Variants in RAB19 observed in about 807,000 individuals in gnomAD.
The protein encoded by RAB19 is ras-related protein Rab-19.
RAB19 carries 21 observed loss-of-function variants against 17.3 expected under a neutral mutation model. That is an observed-to-expected ratio of 1.21 (90% CI 0.86 to 1.74). The LOEUF is 1.74. Among genes scored for constraint, RAB19 ranks in the 40% most tolerant of loss-of-function variants. The pLI is 0.00. For missense variants in RAB19, 277 were observed against 286.8 expected, an observed-to-expected ratio of 0.97 and a Z score of 0.25; for synonymous variants, 126 against 110.4, an observed-to-expected ratio of 1.14 and a Z score of -0.88.
At chr7:140,405,788 CAAAAAAA>C (rs35424074) in intron 1 of RAB19, among the ~76,000 whole-genome samples, 1 of 108,844 alleles carries the variant, frequency 9.2e-6, no homozygotes, top group Non-Finnish European at 2.0e-5. Flanking sequence ...GACTCTGTCT[CAAAAAAA>C]AAAAAAAAAA....
intron 2 of RAB19, among the ~76,000 whole-genome samples, chr7:140,408,250 G>C (rs1170064490): frequency 6.6e-6 from 1 of 151,768 alleles, no homozygotes; most frequent in African/African-American, 2.4e-5. Flanking sequence ...AAAGATTTCA[G>C]TACAAAACAT....
intron 1 of RAB19, among the ~76,000 whole-genome samples, chr7:140,406,474 T>C (rs1176619672): frequency 6.6e-6 from 1 of 151,248 alleles, no homozygotes; most frequent in Non-Finnish European, 1.5e-5. Flanking sequence ...ACCCCGTCTC[T>C]ACTAAAAATA....
chr7:140,425,782 G>A, intron 3 of RAB19, 100 bp from the exon 4 acceptor site: 1 of 1,246,468 alleles, frequency 8.0e-7, no homozygotes. Flanking sequence ...ATGAATGCAT[G>A]CATGCCTATT....
At chr7:140,418,789 G>A (rs765005084) in intron 3 of RAB19, among the ~76,000 whole-genome samples, 2 of 150,296 alleles carry the variant, frequency 1.3e-5, no homozygotes, top group Non-Finnish European at 3.0e-5. Context: ...AGCCCAGGAG[G>A]TAGAGTCTGC....
intron 2 of RAB19, 166 bp from the exon 3 acceptor site, chr7:140,411,708 G>A: frequency 6.9e-7 from 1 of 1,453,130 alleles, no homozygotes. Context: ...AAGTCATCCA[G>A]GGAGCAACTG....
intron 2 of RAB19, among the ~76,000 whole-genome samples, chr7:140,411,583 T>C (rs530102480): frequency 5.2e-4 from 78 of 151,230 alleles, no homozygotes; most frequent in Non-Finnish European, 9.6e-4. Context: ...TTTAAGAAAG[T>C]TTGAAAATTT....
intron 3 of RAB19, among the ~76,000 whole-genome samples, chr7:140,420,090 A>G (rs1296492943): frequency 1.3e-5 from 2 of 152,124 alleles, no homozygotes; most frequent in Non-Finnish European, 2.9e-5. Flanking sequence ...TAGACATGCA[A>G]GAGATTTACT....
intron 3 of RAB19, among the ~76,000 whole-genome samples, chr7:140,425,321 T>A (rs1238615072): frequency 1.3e-5 from 2 of 151,558 alleles, no homozygotes; most frequent in African/African-American, 4.8e-5. Flanking sequence ...AAGTCTTCCC[T>A]TATGCACCTC....
intron 3 of RAB19, among the ~76,000 whole-genome samples, chr7:140,418,004 C>T (rs1018176796): frequency 1.3e-4 from 20 of 152,130 alleles, no homozygotes; most frequent in Admixed American, 9.8e-4. Context: ...AGAGCCTGGT[C>T]TCCATGGGCC....
At chr7:140,419,075 T>G (rs1449520268) in intron 3 of RAB19, among the ~76,000 whole-genome samples, 11 of 147,136 alleles carry the variant, frequency 7.5e-5, no homozygotes, top group Admixed American at 5.4e-4. Context: ...TGGTTTGTTT[T>G]TTTTTTTTTT....
intron 2 of RAB19, chr7:140,411,120 C>T: frequency 7.3e-7 from 1 of 1,367,008 alleles, no homozygotes. Context: ...CACCTCTCGG[C>T]CGGGCGCAGT....
intron 2 of RAB19, among the ~76,000 whole-genome samples, chr7:140,411,330 G>A (rs955088256): frequency 6.6e-6 from 1 of 152,126 alleles, no homozygotes; most frequent in Non-Finnish European, 1.5e-5. Context: ...AACCTGGGAG[G>A]CGGAGCTTGC....
chr7:140,423,476 C>G (rs902191868), intron 3 of RAB19, among the ~76,000 whole-genome samples: 1 of 150,944 alleles, frequency 6.6e-6, no homozygotes, highest in African/African-American at 2.4e-5. Flanking sequence ...TCCATGCATA[C>G]TATGGAATAC....
intron 3 of RAB19, among the ~76,000 whole-genome samples, chr7:140,415,893 A>C (rs2130128864): frequency 6.6e-6 from 1 of 151,530 alleles, no homozygotes; most frequent in East Asian, 1.9e-4. Flanking sequence ...TGACAGAGCA[A>C]GACTCTGTCT....
At chr7:140,424,623 A>C (rs55980757) in intron 3 of RAB19, among the ~76,000 whole-genome samples, 6,565 of 102,116 alleles carry the variant, frequency 0.064, 220 homozygotes, top group Non-Finnish European at 0.088. Flanking sequence ...CTCTCTCTAT[A>C]TATATATATA....
intron 2 of RAB19, among the ~76,000 whole-genome samples, chr7:140,410,247 C>G (rs1029654474): frequency 1.7e-4 from 25 of 150,642 alleles, no homozygotes; most frequent in African/African-American, 6.1e-4. Flanking sequence ...ATCCTCCTGC[C>G]TCAGTCTCCC....
At chr7:140,408,109 A>G (rs533649558) in intron 2 of RAB19, among the ~76,000 whole-genome samples, 1 of 149,364 alleles carries the variant, frequency 6.7e-6, no homozygotes, top group Admixed American at 6.7e-5. Context: ...GATGGTTTCT[A>G]TCTCCTGACC....
intron 1 of RAB19, among the ~76,000 whole-genome samples, chr7:140,407,024 T>G (rs1329876685): frequency 6.6e-6 from 1 of 152,120 alleles, no homozygotes; most frequent in Non-Finnish European, 1.5e-5. Context: ...TAGCTGAGAT[T>G]ATAGGCATGC....
chr7:140,407,872 G>A (rs12703834), intron 2 of RAB19, 25 bp downstream of exon 2: 116,846 of 1,300,988 alleles, frequency 0.09, 6,084 homozygotes, highest in Non-Finnish European at 0.098. Context: ...GGACGGGACT[G>A]GTTCCACCTT....
Sources: allele counts gnomAD v4.1 joint callset (sites outside exome capture counted in the v4.1 genomes callset), GRCh38; gene constraint gnomAD v4.1.1; transcripts MANE v1.5; gene names NCBI Gene and HGNC (gene_info 2026-07-23, HGNC 2026-07-21).